RHEX: variants seen among roughly 807,000 people sequenced by gnomAD.
The protein encoded by RHEX is regulator of hemoglobinization and erythroid cell expansion protein.
In RHEX, 18 loss-of-function variants were observed where a neutral mutation model predicts 20.1. The observed-to-expected ratio is 0.90, with a 90% confidence interval of 0.62 to 1.33. The LOEUF (loss-of-function observed/expected upper bound fraction) is 1.33. RHEX is among the 40% of genes most tolerant of loss of function. The pLI is 0.00. For missense variants in RHEX, 192 were observed against 214.3 expected (o/e 0.90, Z 0.65); for synonymous variants, 87 against 77.1 (o/e 1.13, Z -0.67).
intron 1 of RHEX, among the ~76,000 whole-genome samples, chr1:206,077,202 C>G (rs1558174197): frequency 1.3e-5 from 2 of 152,002 alleles, no homozygotes; most frequent in East Asian, 3.9e-4. Flanking sequence ...CAACTGTGTT[C>G]AGTGATGATG....
At chr1:206,061,681 A>C (rs1048856491) in intron 1 of RHEX, 2 of 152,282 alleles carry the variant, frequency 1.3e-5, no homozygotes, top group Admixed American at 6.5e-5. Flanking sequence ...TGCCATGCTG[A>C]TGCCATATAT....
chr1:206,099,583 T>G, intron 3 of RHEX, 72 bp from the exon 4 acceptor site: 1 of 1,464,246 alleles, frequency 6.8e-7, no homozygotes, highest in African/African-American at 1.4e-5. Context: ...CCTCCCAAAT[T>G]GCTGGGATTA....
intron 1 of RHEX, among the ~76,000 whole-genome samples, chr1:206,072,720 G>C (rs1386791629): frequency 1.3e-5 from 2 of 152,112 alleles, no homozygotes; most frequent in African/African-American, 4.8e-5. Flanking sequence ...CACAACTGGA[G>C]GTGGTCTTTA....
intron 1 of RHEX, among the ~76,000 whole-genome samples, chr1:206,090,202 CTTTTTT>C (rs59499927): frequency 2.7e-5 from 3 of 112,590 alleles, no homozygotes; most frequent in Non-Finnish European, 5.4e-5. Flanking sequence ...TCTTTTCTTT[CTTTTTT>C]TTTTTTTTTT....
intron 1 of RHEX, among the ~76,000 whole-genome samples, chr1:206,054,256 C>T (rs987805435): frequency 1.3e-5 from 2 of 151,996 alleles, no homozygotes; most frequent in Admixed American, 1.3e-4. Flanking sequence ...AAAGTTGAGA[C>T]ACATTGAAGA....
intron 2 of RHEX, 39 bp from the exon 3 acceptor site, chr1:206,098,042 T>C (rs1663110636): frequency 6.7e-7 from 1 of 1,494,902 alleles, no homozygotes; most frequent in South Asian, 1.1e-5. Flanking sequence ...ATTCACATCC[T>C]TGCAATCTCT....
chr1:206,065,755 C>G (rs1341147484), intron 1 of RHEX, among the ~76,000 whole-genome samples: 1 of 152,232 alleles, frequency 6.6e-6, no homozygotes, highest in African/African-American at 2.4e-5. Flanking sequence ...GAAGCTGCCT[C>G]TCCATCCATA....
rs369711780 is a variant in RHEX, at chr1:206,081,157, C to T, written c.-96-16576C>T. Among the ~76,000 whole-genome samples the T allele has an allele frequency of 5.3e-5, 8 of 152,272 alleles. 1 individual carries two copies. The South Asian group carries it at 6.2e-4, about 12-fold the overall frequency. On this transcript the variant is annotated intron_variant, in intron 1 of 5. Transcript: ENST00000331555. ...TTGGAGCAAATCATCTTCTCATCAT[C>T]GGCAAGTGTTTGCATGTAGTAGGGA... is the stretch of plus-strand genomic sequence containing the variant.
At chr1:206,083,390 T>C in intron 1 of RHEX, 1 of 410,980 alleles carries the variant, frequency 2.4e-6, no homozygotes, top group Non-Finnish European at 3.3e-6. Flanking sequence ...ACAAACTGTC[T>C]GTACCAGGGA....
intron 1 of RHEX, among the ~76,000 whole-genome samples, chr1:206,077,718 G>T (rs558521305): frequency 6.0e-4 from 92 of 152,210 alleles, no homozygotes; most frequent in Non-Finnish European, 1.1e-3. Flanking sequence ...ATCGTAGGTG[G>T]AGACTGAAAG....
At chr1:206,088,815 C>CT (rs1361974683) in intron 1 of RHEX, among the ~76,000 whole-genome samples, 21 of 152,106 alleles carry the variant, frequency 1.4e-4, no homozygotes, top group African/African-American at 5.1e-4. Flanking sequence ...AATTTTCATT[C>CT]TTTTTATGTT....
intron 1 of RHEX, among the ~76,000 whole-genome samples, chr1:206,073,611 T>C (rs1553284889): frequency 6.6e-6 from 1 of 152,076 alleles, no homozygotes; most frequent in African/African-American, 2.4e-5. Flanking sequence ...CTGGGCCCCG[T>C]GTTCTCAAAC....
intron 1 of RHEX, among the ~76,000 whole-genome samples, chr1:206,092,642 T>G (rs1398458927): frequency 6.6e-6 from 1 of 152,198 alleles, no homozygotes; most frequent in Non-Finnish European, 1.5e-5. Flanking sequence ...TGAGATTTCA[T>G]CAAAAAAAAT....
chr1:206,080,385 G>C (rs977856975), intron 1 of RHEX: 31 of 152,186 alleles, frequency 2.0e-4, no homozygotes, highest in African/African-American at 6.8e-4. Context: ...CTTTAAAATA[G>C]AGAAAACAGT....
intron 1 of RHEX, among the ~76,000 whole-genome samples, chr1:206,073,364 C>CATG (rs1171664267): frequency 2.6e-5 from 4 of 152,186 alleles, no homozygotes; most frequent in Non-Finnish European, 5.9e-5. Context: ...TAGCAACAAT[C>CATG]ATGATGATGA....
chr1:206,094,208 C>G lies in RHEX; in HGVS notation c.-96-3525C>G, dbSNP rs553344991. Reference sequence around the variant, plus strand: ...TGTGTGTGTGTGTGTGTCACGTGCACGCGCAAATGAGCAGATGTCTCTGCT... The same window carrying G: ...TGTGTGTGTGTGTGTGTCACGTGCAGGCGCAAATGAGCAGATGTCTCTGCT... On this transcript the variant is annotated intron_variant, in intron 1 of 5. Transcript: ENST00000331555. Among the ~76,000 whole-genome samples, 6 of 150,350 alleles carry G rather than the reference C, an allele frequency of 4.0e-5. No homozygotes were observed. In the East Asian group the frequency reaches 9.7e-4, roughly 24 times the overall value.
chr1:206,057,570 G>C (rs948397141), intron 1 of RHEX, among the ~76,000 whole-genome samples: 5 of 152,384 alleles, frequency 3.3e-5, no homozygotes, highest in East Asian at 1.9e-4. Context: ...ACTGGGACTG[G>C]ACGGCCCCCA....
chr1:206,064,978 C>T (rs532906270), intron 1 of RHEX, among the ~76,000 whole-genome samples: 17 of 152,180 alleles, frequency 1.1e-4, no homozygotes, highest in Admixed American at 3.9e-4. Context: ...TGACCTTACC[C>T]CCAACCCTGT....
At chr1:206,092,013 A>AATTT (rs1159198901) in intron 1 of RHEX, among the ~76,000 whole-genome samples, 3 of 151,766 alleles carry the variant, frequency 2.0e-5, no homozygotes, top group African/African-American at 4.8e-5. Context: ...TAATGCTTCT[A>AATTT]ATTTATTTAT....
Sources: allele counts gnomAD v4.1 joint callset (sites outside exome capture counted in the v4.1 genomes callset), GRCh38; gene constraint gnomAD v4.1.1; transcripts MANE v1.5; gene names NCBI Gene and HGNC (gene_info 2026-07-23, HGNC 2026-07-21).